PTN: variants seen among roughly 807,000 people sequenced by gnomAD.
The protein encoded by PTN is pleiotrophin.
A neutral mutation model predicts 24.1 loss-of-function variants in PTN; 18 were observed. That is an observed-to-expected ratio of 0.75 (90% confidence interval 0.52 to 1.11). The LOEUF (loss-of-function observed/expected upper bound fraction) is 1.11, where lower values mean the gene tolerates loss of function less well. Ranked by LOEUF, PTN falls within the 50% of genes least tolerant of loss-of-function variation. The pLI, the probability that PTN is intolerant of heterozygous loss-of-function variation, is 0.00. For missense variants in PTN, 163 were observed against 198.8 expected, an observed-to-expected ratio of 0.82 and a Z score of 1.08; for synonymous variants, 78 against 68.6, an observed-to-expected ratio of 1.14 and a Z score of -0.67.
intron 4 of PTN, among the ~76,000 whole-genome samples, chr7:137,235,024 A>T (rs1223441774): frequency 6.6e-6 from 1 of 152,094 alleles, no homozygotes; most frequent in African/African-American, 2.4e-5. Context: ...AGAAATGCAC[A>T]TTGCAGAGGT....
At chr7:137,274,033 G>A (rs970948041) in intron 1 of PTN, among the ~76,000 whole-genome samples, 2 of 149,946 alleles carry the variant, frequency 1.3e-5, no homozygotes, top group Non-Finnish European at 3.0e-5. Context: ...TTTCAGAAGC[G>A]CACACACACA....
intron 1 of PTN, among the ~76,000 whole-genome samples, chr7:137,311,765 CA>C (rs138818347): frequency 6.8e-6 from 1 of 146,852 alleles, no homozygotes; most frequent in African/African-American, 2.8e-5. Flanking sequence ...CATGATACCC[CA>C]AAACAATTAC....
chr7:137,232,351 A>G (rs1355276163), intron 4 of PTN, among the ~76,000 whole-genome samples: 2 of 151,924 alleles, frequency 1.3e-5, no homozygotes, highest in African/African-American at 2.4e-5. Context: ...TCAAACTTTC[A>G]TCCTTTCTTT....
chr7:137,310,420 A>T (rs77869881), intron 1 of PTN, among the ~76,000 whole-genome samples: 14,445 of 107,840 alleles, frequency 0.13, 2,361 homozygotes, highest in African/African-American at 0.42. Flanking sequence ...TTTTTTTTTG[A>T]GATAGTCTCA....
At chr7:137,306,831 A>C (rs1263252395) in intron 1 of PTN, among the ~76,000 whole-genome samples, 1 of 152,124 alleles carries the variant, frequency 6.6e-6, no homozygotes, top group African/African-American at 2.4e-5. Flanking sequence ...CATGAGAGCA[A>C]CCTATTATTA....
intron 4 of PTN, among the ~76,000 whole-genome samples, chr7:137,245,170 C>T (rs1363563464): frequency 3.3e-5 from 5 of 152,130 alleles, no homozygotes; most frequent in Non-Finnish European, 7.4e-5. Context: ...AAGAAGTTCT[C>T]TAAAATGAAA....
intron 1 of PTN, among the ~76,000 whole-genome samples, chr7:137,319,066 C>T (rs750640749): frequency 2.4e-4 from 36 of 152,158 alleles, no homozygotes; most frequent in Middle Eastern, 3.4e-3. Flanking sequence ...ACTTTTTGTC[C>T]GCCTAAAAAG....
intron 1 of PTN, among the ~76,000 whole-genome samples, chr7:137,294,464 G>A (rs930948922): frequency 6.6e-6 from 1 of 152,142 alleles, no homozygotes; most frequent in African/African-American, 2.4e-5. Flanking sequence ...GTCCTGACAT[G>A]TAAGTTTCCT....
At chr7:137,325,982 A>C (rs1320770803) in intron 1 of PTN, 3 of 152,240 alleles carry the variant, frequency 2.0e-5, no homozygotes, top group Admixed American at 1.3e-4. Context: ...GAAGCAAAGT[A>C]ATGAAAAACG....
chr7:137,281,505 C>T (rs1229044187), intron 1 of PTN, among the ~76,000 whole-genome samples: 2 of 152,340 alleles, frequency 1.3e-5, no homozygotes, highest in Non-Finnish European at 2.9e-5. Flanking sequence ...GGACCTCACC[C>T]AGGTGCTTGT....
chr7:137,338,647 A>G (rs1810485760), intron 1 of PTN, among the ~76,000 whole-genome samples: 1 of 152,170 alleles, frequency 6.6e-6, no homozygotes, highest in African/African-American at 2.4e-5. Flanking sequence ...TATTGAGTAG[A>G]TCATTAGCTG....
At chr7:137,271,988 T>C (rs1389644078) in intron 1 of PTN, among the ~76,000 whole-genome samples, 3 of 152,214 alleles carry the variant, frequency 2.0e-5, no homozygotes, top group African/African-American at 7.2e-5. Context: ...CTAACTTCAA[T>C]TGCAGCCCTC....
At chr7:137,238,607 T>C (rs893073928) in intron 4 of PTN, among the ~76,000 whole-genome samples, 1 of 152,138 alleles carries the variant, frequency 6.6e-6, no homozygotes, top group African/African-American at 2.4e-5. Context: ...ATCACTTGGT[T>C]TGGGAAGCAC....
intron 1 of PTN, among the ~76,000 whole-genome samples, chr7:137,340,974 C>G (rs902465631): frequency 6.6e-6 from 1 of 152,146 alleles, no homozygotes. Flanking sequence ...ATTCTGAATT[C>G]TGACTTCAGG....
intron 4 of PTN, among the ~76,000 whole-genome samples, chr7:137,234,952 T>C (rs1433897786): frequency 6.6e-6 from 1 of 151,926 alleles, no homozygotes; most frequent in Admixed American, 6.6e-5. Context: ...AGAATAGAAA[T>C]ACAAAATGTG....
intron 1 of PTN, among the ~76,000 whole-genome samples, chr7:137,329,324 C>A (rs531024026): frequency 6.6e-6 from 1 of 152,258 alleles, no homozygotes; most frequent in Non-Finnish European, 1.5e-5. Flanking sequence ...GCTTCTAGAA[C>A]TAGTTGGTGA....
At chr7:137,305,087 C>T (rs1036115200) in intron 1 of PTN, among the ~76,000 whole-genome samples, 1 of 151,926 alleles carries the variant, frequency 6.6e-6, no homozygotes, top group Non-Finnish European at 1.5e-5. Context: ...CACGTTCAAC[C>T]GACTTGGTAA....
chr7:137,316,716 T>G (rs1562921194), intron 1 of PTN, among the ~76,000 whole-genome samples: 1 of 152,146 alleles, frequency 6.6e-6, no homozygotes, highest in Non-Finnish European at 1.5e-5. Flanking sequence ...AGGAAAGCCC[T>G]CCTGGGGAGC....
At chr7:137,321,892 A>G (rs1810168449) in intron 1 of PTN, among the ~76,000 whole-genome samples, 1 of 152,220 alleles carries the variant, frequency 6.6e-6, no homozygotes, top group Non-Finnish European at 1.5e-5. Context: ...GACTAGGATA[A>G]GTAAAAAAAA....
Sources: allele counts gnomAD v4.1 joint callset (sites outside exome capture counted in the v4.1 genomes callset), GRCh38; gene constraint gnomAD v4.1.1; transcripts MANE v1.5; gene names NCBI Gene and HGNC (gene_info 2026-07-23, HGNC 2026-07-21).